Variants in CMTM4 observed in about 807,000 individuals in gnomAD.
The protein encoded by CMTM4 is CKLF-like MARVEL transmembrane domain-containing protein 4.
CMTM4 carries 8 observed loss-of-function variants against 19.0 expected under a neutral mutation model. The observed-to-expected ratio is 0.42, with a 90% CI of 0.25 to 0.76. The LOEUF (loss-of-function observed/expected upper bound fraction) is 0.76. CMTM4 is among the 30% of genes least tolerant of loss of function. CMTM4 has a pLI of 0.27. For missense variants in CMTM4, 228 were observed against 290.2 expected, an observed-to-expected ratio of 0.79 and a Z score of 1.56; for synonymous variants, 106 against 121.1, an observed-to-expected ratio of 0.88 and a Z score of 0.82.
intron 1 of CMTM4, among the ~76,000 whole-genome samples, chr16:66,643,663 G>T (rs1484109416): frequency 6.6e-6 from 1 of 152,042 alleles, no homozygotes; most frequent in Non-Finnish European, 1.5e-5. Flanking sequence ...TTTTTGATGG[G>T]AGCCACATGA....
chr16:66,612,304 G>A (rs2015406269), downstream of CMTM4, among the ~76,000 whole-genome samples: 1 of 152,182 alleles, frequency 6.6e-6, no homozygotes, highest in African/African-American at 2.4e-5. The surrounding 1 kb of genome is among the most constrained non-coding windows in gnomAD (Gnocchi z 6.0). Flanking sequence ...TACTCGGGAG[G>A]GAGGAAGTTG....
intron 1 of CMTM4, among the ~76,000 whole-genome samples, chr16:66,654,973 C>T (rs1196521152): frequency 2.6e-5 from 4 of 151,974 alleles, no homozygotes; most frequent in Non-Finnish European, 5.9e-5. Context: ...AGAATGTACC[C>T]GAATTTCCTT....
Sources: gnomAD v4.1 joint callset for allele counts (sites outside exome capture counted in the v4.1 genomes callset) on GRCh38, gnomAD v4.1.1 for gene constraint, Gnocchi (gnomAD v3.1) non-coding constraint, MANE v1.5 for transcripts, NCBI Gene and HGNC (gene_info 2026-07-23, HGNC 2026-07-21) for gene names.